The following MTREX variants were observed in gnomAD, a reference collection of about 807,000 sequenced individuals.
MTREX encodes the protein Mtr4 exosome RNA helicase, also known as exosome RNA helicase MTR4.
Under a neutral mutation model 135.4 loss-of-function variants are expected in MTREX, and 76 were observed. The observed-to-expected ratio is 0.56, with a 90% CI of 0.47 to 0.68. The LOEUF (loss-of-function observed/expected upper bound fraction) is 0.68, where lower values mean the gene tolerates loss of function less well. MTREX is among the 30% of genes least tolerant of loss of function. The pLI is 0.00. For synonymous variants in MTREX, 404 were observed against 401.6 expected (o/e 1.01, Z -0.07); for missense variants, 920 against 1,262.1 (o/e 0.73, Z 4.11).
Position 55,378,420 on chromosome 5 carries a change from A to T in MTREX, c.1917A>T (p.Glu639Asp). The T allele has an allele frequency of 6.2e-7, 1 of 1,612,648 alleles. No individual in the cohort carries two copies. Among genetic ancestry groups the T allele is most frequent in the Non-Finnish European group, 8.5e-7 (1 of 1,179,542 alleles). Reference sequence around the variant, plus strand: ...AGCAGCTTGCCAAATTGGGTAAAGAAATTGAAGAATATATTCACAAACCAA... The same window carrying T: ...AGCAGCTTGCCAAATTGGGTAAAGATATTGAAGAATATATTCACAAACCAA... ...IRQQLAKLGK[E>D]IEEYIHKPKY... The change falls in exon 17 of 27, where the codon GAA (glutamate) becomes GAT (aspartate). Residue 639 changes from glutamate (E) to aspartate (D), a missense_variant. By Grantham distance (45) the Glu-to-Asp change is conservative (BLOSUM62 2). Coordinates refer to ENST00000230640, the MANE Select transcript of MTREX (RefSeq NM_015360.5).
At chr5:55,375,812 GGGGAACTAAT>G (rs1218668959) in intron 16 of MTREX, among the ~76,000 whole-genome samples, 4 of 152,120 alleles carry the variant, frequency 2.6e-5, no homozygotes, top group African/African-American at 9.7e-5. Context: ...GTATTAATTT[GGGGAACTAAT>G]AAATGTCCAT....
At chr5:55,356,565 G>T in intron 14 of MTREX, 1 of 197,634 alleles carries the variant, frequency 5.1e-6, no homozygotes, top group Admixed American at 4.7e-5. Flanking sequence ...TCCAGGGTCC[G>T]CTGTCAGCAG....
At chr5:55,345,014 G>T in intron 9 of MTREX, 80 bp from the exon 10 acceptor site, 1 of 785,196 alleles carries the variant, frequency 1.3e-6, no homozygotes, top group East Asian at 2.7e-5. Context: ...ATTTTTATTT[G>T]GGGAAGCCTT....
intron 18 of MTREX, among the ~76,000 whole-genome samples, chr5:55,386,508 A>G (rs1418402483): frequency 6.6e-6 from 1 of 152,166 alleles, no homozygotes; most frequent in Non-Finnish European, 1.5e-5. Context: ...CAAAATTTTC[A>G]TTTAATGTTA....
intron 1 of MTREX, among the ~76,000 whole-genome samples, chr5:55,313,043 A>G (rs755266119): frequency 5.3e-5 from 8 of 152,182 alleles, no homozygotes; most frequent in Admixed American, 1.3e-4. Flanking sequence ...TTTATAAAAA[A>G]TAGAATTCAT....
At chr5:55,421,426 A>C (rs1376959666) in intron 25 of MTREX, among the ~76,000 whole-genome samples, 2 of 152,212 alleles carry the variant, frequency 1.3e-5, no homozygotes, top group African/African-American at 4.8e-5. Context: ...CTACTGGCCT[A>C]ATTTGCTTGT....
Position 55,359,962 on chromosome 5 carries a change from C to T in MTREX, c.1659+1264C>T, listed in dbSNP as rs111687512. 5.4e-3 allele frequency among the ~76,000 whole-genome samples: 824 copies of T among 152,242 alleles called. 4 individuals carry two copies. Among genetic ancestry groups the T allele is most frequent in the African/African-American group, 0.019 (795 of 41,564 alleles). On this transcript the variant is annotated intron_variant, in intron 15 of 26. Coordinates refer to ENST00000230640, the MANE Select transcript of MTREX (RefSeq NM_015360.5). ...GACTTATTGAGCTATAATTCACATA[C>T]CATACAAGTCACTCATTTCCATGGT...
intron 26 of MTREX, chr5:55,423,208 G>C (rs1751083479): frequency 1.9e-6 from 1 of 515,660 alleles, no homozygotes; most frequent in Non-Finnish European, 3.4e-6. Flanking sequence ...TACATGCCAG[G>C]CATTGTTTTA....
chr5:55,353,088 A>G (rs1749853424), intron 13 of MTREX, 80 bp from the exon 14 acceptor site: 1 of 796,110 alleles, frequency 1.3e-6, no homozygotes, highest in Non-Finnish European at 1.9e-6. Context: ...AAAGATTAAT[A>G]ATGCATTTAC....
chr5:55,334,264 G>A (rs1182355964), intron 5 of MTREX, among the ~76,000 whole-genome samples: 3 of 152,040 alleles, frequency 2.0e-5, no homozygotes, highest in African/African-American at 4.8e-5. Context: ...GTTGCCTAAC[G>A]TTATGAATGT....
At chr5:55,404,035 CCCTA>C (rs1408122780) in intron 21 of MTREX, among the ~76,000 whole-genome samples, 1 of 152,170 alleles carries the variant, frequency 6.6e-6, no homozygotes, top group African/African-American at 2.4e-5. Context: ...AATATTAGTT[CCCTA>C]CCTTTTAGGA....
intron 1 of MTREX, among the ~76,000 whole-genome samples, chr5:55,310,006 T>G (rs1246734499): frequency 6.6e-6 from 1 of 152,172 alleles, no homozygotes; most frequent in Non-Finnish European, 1.5e-5. Context: ...AGACAGGAAG[T>G]AATAGTTGCT....
intron 15 of MTREX, among the ~76,000 whole-genome samples, chr5:55,363,566 G>T (rs1404866403): frequency 1.3e-5 from 2 of 152,090 alleles, no homozygotes; most frequent in African/African-American, 4.8e-5. Flanking sequence ...GCTGTCTCTT[G>T]ATACATTGTT....
At chr5:55,385,741 A>G (rs1206082402) in intron 18 of MTREX, among the ~76,000 whole-genome samples, 1 of 152,164 alleles carries the variant, frequency 6.6e-6, no homozygotes, top group Non-Finnish European at 1.5e-5. Context: ...TGTGGATCAC[A>G]TGGTAGTCAG....
chr5:55,344,608 G>A lies in MTREX; in HGVS notation c.993G>A (p.Val331=), dbSNP rs777320843. 6.3e-7 allele frequency: 1 copy of A among 1,595,842 alleles called. No homozygotes were observed. The highest frequency in any genetic ancestry group is 1.1e-5 in the South Asian group (1 of 89,978). Residue 331 remains valine (V), a synonymous_variant, in exon 9 of 27, where the codon GTG becomes GTA. Transcript: ENST00000230640. ...CAGGGGGAGATGGCCTGCATCTTGT[G>A]GTTGATGAAAATGTAAGAGAGTAAT... ...FPAGGDGLHL[V]VDENGDFRED...
rs1014789424 is a variant in MTREX, at chr5:55,308,256, G to A, written c.134+109G>A. 7.5e-6 allele frequency: 10 copies of A among 1,332,164 alleles called. No homozygotes were observed. In the African/African-American group the frequency reaches 1.4e-4, roughly 18 times the overall value. 82.5% of individuals were successfully genotyped at this position (1,332,164 alleles called of 1,614,324 possible). On this transcript the variant is annotated intron_variant, in intron 1 of 26. Coordinates refer to ENST00000230640, the MANE Select transcript of MTREX (RefSeq NM_015360.5). ...GAAAGTGAAGTGTACATTGAGTGGC[G>A]TTGGAAGTGAAGGGGTTCCAGAAAA...
chr5:55,354,052 G>T (rs2290596), intron 14 of MTREX, among the ~76,000 whole-genome samples: 21,208 of 152,112 alleles, frequency 0.14, 1,845 homozygotes, highest in East Asian at 0.25. Flanking sequence ...GGGGTAAAAA[G>T]CAAATCCTTA....
In MTREX at chr5:55,420,357, A is replaced by G. The variant is rs376445078; in HGVS notation, c.2972-2521A>G. Among the ~76,000 whole-genome samples, 15 of 152,324 alleles carry G rather than the reference A, an allele frequency of 9.8e-5. 1 individual carries two copies. In the East Asian group the frequency reaches 2.1e-3, roughly 22 times the overall value. On this transcript the variant is annotated intron_variant, in intron 25 of 26. Transcript: ENST00000230640. ...GAGAATGATGCTGTTTTGTTCATCA[A>G]CCGGGTAAGGCTGATGTTTATTAAA...
chr5:55,364,271 T>A (rs981910184), intron 15 of MTREX, among the ~76,000 whole-genome samples: 5 of 152,236 alleles, frequency 3.3e-5, no homozygotes, highest in African/African-American at 1.2e-4. Context: ...ATTAACTTGA[T>A]TGCTAAATTG....
Sources: gnomAD v4.1 joint callset for allele counts (sites outside exome capture counted in the v4.1 genomes callset) on GRCh38, gnomAD v4.1.1 for gene constraint, MANE v1.5 for transcripts, NCBI Gene and HGNC (gene_info 2026-07-23, HGNC 2026-07-21) for gene names.